SUZ12: variants seen among roughly 807,000 people sequenced by gnomAD.
SUZ12 encodes the protein polycomb protein SUZ12.
SUZ12 carries 17 observed loss-of-function variants against 87.3 expected under a neutral mutation model. That is an observed-to-expected ratio of 0.19 (90% CI 0.13 to 0.29). SUZ12 has a LOEUF of 0.29. SUZ12 is among the 10% of genes least tolerant of loss of function. The pLI, the probability that SUZ12 is intolerant of heterozygous loss-of-function variation, is 1.00. For synonymous variants in SUZ12, 253 were observed against 312.4 expected, an observed-to-expected ratio of 0.81 and a Z score of 2.01; for missense variants, 526 against 912.2, an observed-to-expected ratio of 0.58 and a Z score of 5.45.
intron 15 of SUZ12, among the ~76,000 whole-genome samples, chr17:31,997,824 T>G (rs1218371845): frequency 6.6e-6 from 1 of 152,186 alleles, no homozygotes; most frequent in African/African-American, 2.4e-5. Context: ...ACCACAGTTA[T>G]TACCACAATT....
chr17:31,994,620 C>T lies in SUZ12; in HGVS notation c.1494C>T (p.Ser498=), dbSNP rs911255338. The T allele has an allele frequency of 6.2e-7, 1 of 1,613,882 alleles. No individual in the cohort carries two copies. Among genetic ancestry groups the T allele is most frequent in the Non-Finnish European group, 8.5e-7 (1 of 1,179,986 alleles). The change falls in exon 13 of 16, where the codon TCC becomes TCT. Residue 498 remains serine, a synonymous_variant. Transcript: ENST00000322652. ...CTATCAATGAGTGTTATGATGGCTC[C>T]TATGCAGGAAATCCTCAGGATATTC... ...DVSINECYDG[S]YAGNPQDIHR...
intron 5 of SUZ12, chr17:31,966,441 G>T (rs111316845): frequency 9.7e-5 from 37 of 380,026 alleles, no homozygotes; most frequent in African/African-American, 7.4e-4. Flanking sequence ...TCCACCTCCC[G>T]GGTTCAAGCG....
chr17:31,984,587 A>G (rs533825770), intron 9 of SUZ12, among the ~76,000 whole-genome samples: 2 of 152,358 alleles, frequency 1.3e-5, no homozygotes, highest in African/African-American at 4.8e-5. Flanking sequence ...CTGTAACACA[A>G]AATGCTAATA....
At chr17:31,948,509 A>G (rs967558084) in intron 4 of SUZ12, among the ~76,000 whole-genome samples, 81 of 152,300 alleles carry the variant, frequency 5.3e-4, no homozygotes, top group African/African-American at 1.7e-3. Flanking sequence ...CTAGTTTTAA[A>G]TCACAGCTTA....
rs768108129 is a variant in SUZ12, at chr17:31,972,400, T to TAA, written c.506-745_506-744insAA. Among the ~76,000 whole-genome samples the TAA allele has an allele frequency of 9.0e-3, 1,339 of 149,456 alleles. 10 individuals carry two copies. Among genetic ancestry groups the TAA allele is most frequent in the Non-Finnish European group, 0.014 (962 of 67,628 alleles). ...TTGTGTGTGTATATATATATATATA[T>TAA]ATATAAATAGAAATGTGTAGATGTG... On this transcript the variant is annotated intron_variant, in intron 5 of 15. Transcript: ENST00000322652.
rs1447025723 is a variant in SUZ12 at position 31,988,353 on chromosome 17, C to G, written c.1057C>G (p.Pro353Ala). Reference protein sequence around the residue: ...LPPFETFSQGPTLQFTLRWTG... With the variant: ...LPPFETFSQGATLQFTLRWTG... ...TCCATTCGAAACATTTTCTCAGGGA[C>G]CTACGTTGCAGTTCACTCTTCGTTG... The change falls in exon 10 of 16, where the codon CCT becomes GCT. Residue 353 changes from proline (P) to alanine (A), a missense_variant. By Grantham distance (27) the Pro-to-Ala change is conservative (BLOSUM62 -1). Transcript: ENST00000322652. 2 of 1,592,486 alleles carry G rather than the reference C, an allele frequency of 1.3e-6. No individual in the cohort carries two copies. The highest frequency in any genetic ancestry group is 3.7e-5 in the Admixed American group (2 of 54,662).
chr17:31,941,002 TCTA>T (rs1234993230), intron 3 of SUZ12, among the ~76,000 whole-genome samples: 1 of 151,464 alleles, frequency 6.6e-6, no homozygotes, highest in African/African-American at 2.4e-5. Context: ...AGAGCGAGAC[TCTA>T]CCTCAAAGAA....
At chr17:31,950,840 C>T (rs1388575042) in intron 4 of SUZ12, among the ~76,000 whole-genome samples, 9 of 151,816 alleles carry the variant, frequency 5.9e-5, no homozygotes, top group South Asian at 4.1e-4. Context: ...AGTGCAGTGA[C>T]GCGATCTCAG....
Position 31,999,738 on chromosome 17 carries a change from C to T in SUZ12, c.*735C>T, listed in dbSNP as rs1230417062. On this transcript the variant is annotated 3_prime_UTR_variant, in exon 16 of 16. Coordinates refer to ENST00000322652, the MANE Select transcript of SUZ12 (RefSeq NM_015355.4). Reference sequence around the variant, plus strand: ...GGATAATTTTAGTGCATTGCTCACCCGGTATGTTTTTTTTTTTTAACTTGA... The same window carrying T: ...GGATAATTTTAGTGCATTGCTCACCTGGTATGTTTTTTTTTTTTAACTTGA... The T allele has an allele frequency of 3.9e-5, 9 of 231,012 alleles. No homozygotes were observed. The highest frequency in any genetic ancestry group is 6.1e-5 in the East Asian group (1 of 16,350). The allele number at this position is 231,012 out of a possible 1,614,324, so 14.3% of individuals were successfully genotyped here.
chr17:31,947,719 T>C, intron 4 of SUZ12, 34 bp downstream of exon 4: 4 of 1,581,280 alleles, frequency 2.5e-6, no homozygotes, highest in African/African-American at 2.7e-5. Context: ...TTAAGTGATA[T>C]ACTTTAGGAA....
intron 7 of SUZ12, among the ~76,000 whole-genome samples, chr17:31,976,062 C>T (rs749580024): frequency 1.3e-5 from 2 of 152,112 alleles, no homozygotes; most frequent in Non-Finnish European, 2.9e-5. Flanking sequence ...TTAATTTAAT[C>T]GAAGATGATT....
intron 5 of SUZ12, 161 bp downstream of exon 5, chr17:31,966,357 A>G: frequency 1.5e-6 from 1 of 685,182 alleles, no homozygotes. Context: ...GCTAATGATG[A>G]AATTTGTTTT....
At chr17:31,971,396 T>C (rs912891546) in intron 5 of SUZ12, among the ~76,000 whole-genome samples, 15 of 151,954 alleles carry the variant, frequency 9.9e-5, no homozygotes, top group African/African-American at 3.6e-4. Flanking sequence ...AAGATGCTTA[T>C]TTTGAATGTG....
Position 32,000,244 on chromosome 17 carries a change from G to A in SUZ12, c.*1241G>A, listed in dbSNP as rs1910190167. 4.3e-6 allele frequency: 1 copy of A among 232,888 alleles called. No homozygotes were observed. Among genetic ancestry groups the A allele is most frequent in the African/African-American group, 2.2e-5 (1 of 45,250 alleles). 14.4% of individuals were successfully genotyped at this position (232,888 alleles called of 1,614,324 possible). On this transcript the variant is annotated 3_prime_UTR_variant, in exon 16 of 16. Coordinates refer to ENST00000322652, the MANE Select transcript of SUZ12 (RefSeq NM_015355.4). ...AAGGATCAATGCTGCTGTAAATACA[G>A]GTATTTTTAATTTTAAAATTTCATT...
intron 8 of SUZ12, among the ~76,000 whole-genome samples, chr17:31,979,130 T>TAAAAAAAAAAAAAAAG (rs1567830380): frequency 8.6e-6 from 1 of 116,096 alleles, no homozygotes; most frequent in African/African-American, 3.0e-5. Flanking sequence ...AAAAAAGAAT[T>TAAAAAAAAAAAAAAAG]CAAAACGATA....
chr17:31,937,280 G>T lies in SUZ12; in HGVS notation c.34G>T (p.Gly12Cys). The T allele has an allele frequency of 7.2e-7, 1 of 1,387,204 alleles. No homozygotes were observed. Among genetic ancestry groups the T allele is most frequent in the Non-Finnish European group, 9.2e-7 (1 of 1,081,352 alleles). The allele number at this position is 1,387,204 out of a possible 1,614,324, so 85.9% of individuals were successfully genotyped here. ...APQKHGGGGG[G>C]GSGPSAGSGG... ...TCAGAAGCACGGCGGTGGGGGAGGG[G>T]GCGGCTCGGGGCCCAGCGCGGGGTC... The change falls in exon 1 of 16, where the codon GGC becomes TGC. Residue 12 changes from glycine to cysteine, a missense_variant. Around this residue, in one of 9 missense-constraint regions of SUZ12, gnomAD observed 92 missense variants for 109.9 expected, o/e 0.84. Coordinates refer to ENST00000322652, the MANE Select transcript of SUZ12 (RefSeq NM_015355.4).
At chr17:31,964,839 G>A (rs550526347) in intron 4 of SUZ12, among the ~76,000 whole-genome samples, 5 of 151,820 alleles carry the variant, frequency 3.3e-5, no homozygotes, top group East Asian at 3.9e-4. Flanking sequence ...GAATCCAGTC[G>A]GGCTCGGTGG....
At chr17:31,963,378 C>G (rs546620749) in intron 4 of SUZ12, among the ~76,000 whole-genome samples, 5 of 152,082 alleles carry the variant, frequency 3.3e-5, no homozygotes, top group African/African-American at 1.2e-4. Context: ...CTCCTGACCT[C>G]GTGATCCACC....
At chr17:31,951,514 G>A (rs1335951888) in intron 4 of SUZ12, among the ~76,000 whole-genome samples, 2 of 145,096 alleles carry the variant, frequency 1.4e-5, no homozygotes, top group Non-Finnish European at 3.0e-5. Context: ...ACGGAGTCTC[G>A]CTCTGTCACC....
Sources: allele counts gnomAD v4.1 joint callset (sites outside exome capture counted in the v4.1 genomes callset), GRCh38; gene constraint gnomAD v4.1.1; regional missense constraint gnomAD v4.1.1; transcripts MANE v1.5; gene names NCBI Gene and HGNC (gene_info 2026-07-23, HGNC 2026-07-21).